Variants in CNTNAP2 observed in about 807,000 individuals in gnomAD.
CNTNAP2 encodes contactin-associated protein-like 2.
Under a neutral mutation model 155.2 loss-of-function variants are expected in CNTNAP2, and 98 were observed. The ratio of observed to expected loss-of-function variants is 0.63; its 90% confidence interval spans 0.54 to 0.75. The LOEUF (loss-of-function observed/expected upper bound fraction) is 0.75, where lower values mean the gene tolerates loss of function less well. Ranked by LOEUF, CNTNAP2 falls within the 30% of genes least tolerant of loss-of-function variation. CNTNAP2 has a pLI of 0.00. For missense variants in CNTNAP2, 1,727 were observed against 1,688.1 expected, an observed-to-expected ratio of 1.02 and a Z score of -0.40; for synonymous variants, 651 against 631.2, an observed-to-expected ratio of 1.03 and a Z score of -0.47.
chr7:148,231,971 C>T (rs1296004947), intron 20 of CNTNAP2, among the ~76,000 whole-genome samples: 2 of 152,130 alleles, frequency 1.3e-5, no homozygotes, highest in East Asian at 1.9e-4. Flanking sequence ...TCCTCGATTC[C>T]GCCCTAGGTT....
intron 9 of CNTNAP2, among the ~76,000 whole-genome samples, chr7:147,356,303 A>T (rs1796060943): frequency 6.6e-6 from 1 of 152,126 alleles, no homozygotes; most frequent in Admixed American, 6.6e-5. Context: ...ATACCTATTT[A>T]TGACAAACCC....
chr7:148,230,208 T>C (rs1218624546), intron 20 of CNTNAP2, among the ~76,000 whole-genome samples: 3 of 152,212 alleles, frequency 2.0e-5, no homozygotes, highest in African/African-American at 7.2e-5. Flanking sequence ...TTTTTCTCTC[T>C]CTCTCTGCAG....
chr7:147,974,835 A>G (rs903335667), intron 14 of CNTNAP2, among the ~76,000 whole-genome samples: 1 of 152,076 alleles, frequency 6.6e-6, no homozygotes, highest in Non-Finnish European at 1.5e-5. Flanking sequence ...ACATAAATGA[A>G]GGCTAATAAG....
At chr7:147,324,053 A>G (rs1347995887) in intron 9 of CNTNAP2, among the ~76,000 whole-genome samples, 1 of 152,140 alleles carries the variant, frequency 6.6e-6, no homozygotes, top group African/African-American at 2.4e-5. Flanking sequence ...AAAAAAAGAA[A>G]TAAGATCATG....
intron 8 of CNTNAP2, among the ~76,000 whole-genome samples, chr7:147,157,279 CA>C (rs1181892371): frequency 1.3e-5 from 2 of 152,116 alleles, no homozygotes; most frequent in East Asian, 3.9e-4. Context: ...CCTCTGTTGA[CA>C]TGCAAATATT....
At chr7:147,589,704 G>A (rs915574750) in intron 12 of CNTNAP2, among the ~76,000 whole-genome samples, 5 of 152,038 alleles carry the variant, frequency 3.3e-5, no homozygotes, top group African/African-American at 1.2e-4. Context: ...TAAGCTTTTG[G>A]ATTCTCTCTA....
intron 21 of CNTNAP2, among the ~76,000 whole-genome samples, chr7:148,324,794 C>CAAAAAAA (rs72157861): frequency 0.046 from 4,911 of 105,714 alleles, 410 homozygotes; most frequent in Admixed American, 0.14. Context: ...GACTCCATCT[C>CAAAAAAA]AAAAAAAAAA....
chr7:147,892,974 C>G (rs1799718171), intron 13 of CNTNAP2, among the ~76,000 whole-genome samples: 1 of 152,084 alleles, frequency 6.6e-6, no homozygotes, highest in African/African-American at 2.4e-5. Context: ...CTTTAACTAC[C>G]AAATTGAATG....
intron 1 of CNTNAP2, among the ~76,000 whole-genome samples, chr7:146,672,044 G>A (rs554014057): frequency 6.6e-6 from 1 of 152,074 alleles, no homozygotes; most frequent in South Asian, 2.1e-4. Flanking sequence ...TTGAACTCCT[G>A]ACCTCATGAT....
At chr7:147,053,491 C>A (rs955720098) in intron 4 of CNTNAP2, among the ~76,000 whole-genome samples, 3 of 151,970 alleles carry the variant, frequency 2.0e-5, no homozygotes, top group African/African-American at 7.2e-5. Context: ...TAATATGTCA[C>A]TGATATAGAG....
chr7:146,393,469 TAA>T (rs1795574527), intron 1 of CNTNAP2, among the ~76,000 whole-genome samples: 1 of 152,176 alleles, frequency 6.6e-6, no homozygotes, highest in Admixed American at 6.5e-5. Flanking sequence ...ATTGTGAGGT[TAA>T]TAGGACCAAT....
intron 1 of CNTNAP2, among the ~76,000 whole-genome samples, chr7:146,616,831 G>A (rs746687035): frequency 1.9e-4 from 29 of 151,344 alleles, no homozygotes; most frequent in Admixed American, 7.9e-4. Flanking sequence ...GAGAGGAGTC[G>A]AGATCTCTAC....
intron 1 of CNTNAP2, among the ~76,000 whole-genome samples, chr7:146,319,293 C>A (rs183987300): frequency 6.6e-6 from 1 of 152,068 alleles, no homozygotes; most frequent in East Asian, 1.9e-4. Context: ...TATATAGATC[C>A]ACAGCAATAA....
chr7:146,794,313 G>C (rs1802728927), intron 2 of CNTNAP2, among the ~76,000 whole-genome samples: 1 of 152,132 alleles, frequency 6.6e-6, no homozygotes. Flanking sequence ...CAGTAAAAAA[G>C]TCTGTCCAAA....
intron 13 of CNTNAP2, among the ~76,000 whole-genome samples, chr7:147,700,200 A>T (rs1796215517): frequency 6.6e-6 from 1 of 152,200 alleles, no homozygotes; most frequent in Non-Finnish European, 1.5e-5. Context: ...AAACGTAGAT[A>T]TGTAGAGTAG....
chr7:146,377,260 G>A (rs1052615962), intron 1 of CNTNAP2, among the ~76,000 whole-genome samples: 31 of 152,074 alleles, frequency 2.0e-4, no homozygotes, highest in African/African-American at 6.8e-4. Flanking sequence ...ATACTGTGGA[G>A]GATTTTCGCC....
intron 1 of CNTNAP2, among the ~76,000 whole-genome samples, chr7:146,618,407 C>T (rs567856185): frequency 6.6e-6 from 1 of 152,142 alleles, no homozygotes; most frequent in Non-Finnish European, 1.5e-5. Flanking sequence ...TTAGCGATTA[C>T]AATACGTTTT....
chr7:147,190,852 A>G (rs1231393560), intron 8 of CNTNAP2, among the ~76,000 whole-genome samples: 2 of 152,212 alleles, frequency 1.3e-5, no homozygotes, highest in African/African-American at 4.8e-5. Flanking sequence ...AGGAAATATG[A>G]AAAATGTTAA....
At chr7:147,101,717 C>T (rs1800657502) in intron 4 of CNTNAP2, among the ~76,000 whole-genome samples, 2 of 152,088 alleles carry the variant, frequency 1.3e-5, no homozygotes, top group Non-Finnish European at 2.9e-5. Flanking sequence ...CACGGCCATT[C>T]TCCTATCTGA....
Sources: allele counts gnomAD v4.1 joint callset (sites outside exome capture counted in the v4.1 genomes callset), GRCh38; gene constraint gnomAD v4.1.1; transcripts MANE v1.5; gene names NCBI Gene and HGNC (gene_info 2026-07-23, HGNC 2026-07-21).